Variants in RAPGEF5 observed in about 807,000 individuals in gnomAD.
RAPGEF5 encodes the protein Rap guanine nucleotide exchange factor 5.
Under a neutral mutation model 125.2 loss-of-function variants are expected in RAPGEF5, and 65 were observed. That is an observed-to-expected ratio of 0.52 (90% CI 0.43 to 0.64). The LOEUF (loss-of-function observed/expected upper bound fraction) is 0.64, where lower values mean the gene tolerates loss of function less well. RAPGEF5 is among the 30% of genes least tolerant of loss of function. RAPGEF5 has a pLI of 0.00. For missense variants in RAPGEF5, 958 were observed against 1,048.1 expected (o/e 0.91, Z 1.19); for synonymous variants, 391 against 385.9 (o/e 1.01, Z -0.16).
chr7:22,316,485 A>ATTTTT (rs1422209244), intron 2 of RAPGEF5, among the ~76,000 whole-genome samples: 7 of 29,598 alleles, frequency 2.4e-4, no homozygotes, highest in South Asian at 1.3e-3. Flanking sequence ...ATATATATAT[A>ATTTTT]TATATTTTTT....
intron 11 of RAPGEF5, among the ~76,000 whole-genome samples, chr7:22,167,481 A>C (rs1460991471): frequency 2.6e-5 from 4 of 152,220 alleles, no homozygotes; most frequent in African/African-American, 9.6e-5. Context: ...ATGTGCTTTA[A>C]AAAATAAATT....
At chr7:22,212,414 C>T (rs1041982952) in intron 9 of RAPGEF5, among the ~76,000 whole-genome samples, 1 of 152,184 alleles carries the variant, frequency 6.6e-6, no homozygotes, top group African/African-American at 2.4e-5. Context: ...CTGTTAAATG[C>T]TTCCACAGCA....
intron 1 of RAPGEF5, chr7:22,355,849 G>T (rs867110451): frequency 3.2e-6 from 2 of 632,608 alleles, no homozygotes; most frequent in African/African-American, 2.0e-5. Flanking sequence ...TCCCAGCAAG[G>T]TCTTGTTTTA....
At chr7:22,335,777 T>C (rs569437670) in intron 1 of RAPGEF5, among the ~76,000 whole-genome samples, 1 of 151,550 alleles carries the variant, frequency 6.6e-6, no homozygotes, top group East Asian at 1.9e-4. Flanking sequence ...CATTTAGTCA[T>C]TTAAAAAGCA....
At chr7:22,141,197 C>A (rs147513779) in intron 20 of RAPGEF5, among the ~76,000 whole-genome samples, 1 of 152,098 alleles carries the variant, frequency 6.6e-6, no homozygotes, top group African/African-American at 2.4e-5. Flanking sequence ...ATAATTTATT[C>A]CTCTATTGTG....
At chr7:22,351,415 T>C (rs1784326454) in intron 1 of RAPGEF5, among the ~76,000 whole-genome samples, 1 of 152,080 alleles carries the variant, frequency 6.6e-6, no homozygotes, top group African/African-American at 2.4e-5. Flanking sequence ...CAGTTTAGAG[T>C]AAATAGACCC....
chr7:22,315,313 G>A (rs1385748712), intron 3 of RAPGEF5, 57 bp downstream of exon 3: 3 of 1,514,022 alleles, frequency 2.0e-6, no homozygotes, highest in African/African-American at 2.8e-5. Context: ...TTTTAACACA[G>A]GGTGGTTTTT....
At position 22,339,043 on chromosome 7, in the gene RAPGEF5, G is replaced by A. The variant is rs142636843; in HGVS notation, c.231+17787C>T. ...GGTGGGTGAGTGGGCTCAAGCATGC[G>A]CACTAAGAGGCAAAACGATGGAGTT... On this transcript the variant is annotated intron_variant, in intron 1 of 25. Transcript: ENST00000665637. Among the ~76,000 whole-genome samples the A allele has an allele frequency of 3.3e-3, 502 of 152,258 alleles. 4 individuals are homozygous for A. The highest frequency in any genetic ancestry group is 2.9e-3 in the Non-Finnish European group (200 of 68,030).
chr7:22,187,154 G>A (rs1784850111), intron 11 of RAPGEF5, among the ~76,000 whole-genome samples: 1 of 152,132 alleles, frequency 6.6e-6, no homozygotes, highest in Non-Finnish European at 1.5e-5. Context: ...AGGGCTATGT[G>A]ATGGTGTTTT....
At chr7:22,191,574 A>G (rs1285176123) in intron 11 of RAPGEF5, 2 of 471,152 alleles carry the variant, frequency 4.2e-6, no homozygotes, top group Admixed American at 2.3e-5. Context: ...CAAGCCATGA[A>G]GTCCTGGTCC....
intron 24 of RAPGEF5, among the ~76,000 whole-genome samples, chr7:22,126,120 G>A (rs1430813694): frequency 2.0e-5 from 3 of 152,176 alleles, no homozygotes; most frequent in Admixed American, 6.5e-5. Context: ...CTACACTCCA[G>A]CCTGGGTGAC....
intron 1 of RAPGEF5, among the ~76,000 whole-genome samples, chr7:22,344,062 C>T (rs1784178850): frequency 6.6e-6 from 1 of 152,142 alleles, no homozygotes; most frequent in African/African-American, 2.4e-5. Context: ...AGCTTCTAAC[C>T]AGAGGTCCAG....
chr7:22,151,374 AT>A (rs1202754698), intron 17 of RAPGEF5, among the ~76,000 whole-genome samples: 1 of 151,726 alleles, frequency 6.6e-6, no homozygotes, highest in Non-Finnish European at 1.5e-5. Flanking sequence ...TTGTTTTCTG[AT>A]TTTTATTTTT....
At chr7:22,307,272 T>TG (rs1468032626) in intron 5 of RAPGEF5, among the ~76,000 whole-genome samples, 4 of 152,332 alleles carry the variant, frequency 2.6e-5, no homozygotes, top group Admixed American at 2.0e-4. Context: ...TTCACTTCTC[T>TG]GGTTAGTTCC....
chr7:22,270,539 G>A (rs1203742338), intron 6 of RAPGEF5, among the ~76,000 whole-genome samples: 3 of 152,158 alleles, frequency 2.0e-5, no homozygotes, highest in Admixed American at 1.3e-4. Context: ...ACCAAATGTA[G>A]TAGAACCATG....
At chr7:22,227,578 G>A (rs919815719) in intron 8 of RAPGEF5, among the ~76,000 whole-genome samples, 5 of 152,164 alleles carry the variant, frequency 3.3e-5, no homozygotes, top group Non-Finnish European at 7.4e-5. Flanking sequence ...AGTGGCTAAC[G>A]CCTGTAATCT....
intron 7 of RAPGEF5, among the ~76,000 whole-genome samples, chr7:22,251,053 T>C (rs1475388315): frequency 6.6e-6 from 1 of 152,174 alleles, no homozygotes; most frequent in Non-Finnish European, 1.5e-5. Context: ...ATGGCAAGGA[T>C]TTTTCTTCTT....
chr7:22,337,015 T>C (rs1159564429), intron 1 of RAPGEF5, among the ~76,000 whole-genome samples: 1 of 152,164 alleles, frequency 6.6e-6, no homozygotes, highest in Non-Finnish European at 1.5e-5. Flanking sequence ...GCCCAACATG[T>C]TCATCTTGCC....
intron 9 of RAPGEF5, among the ~76,000 whole-genome samples, chr7:22,209,324 C>A (rs1785459786): frequency 6.6e-6 from 1 of 152,220 alleles, no homozygotes; most frequent in African/African-American, 2.4e-5. Context: ...GGCTCAAGAT[C>A]TTCCTTTTAT....
Sources: allele counts gnomAD v4.1 joint callset (sites outside exome capture counted in the v4.1 genomes callset), GRCh38; gene constraint gnomAD v4.1.1; transcripts MANE v1.5; gene names NCBI Gene and HGNC (gene_info 2026-07-23, HGNC 2026-07-21).